Variants in JUP observed in about 807,000 individuals in gnomAD.
JUP encodes the protein junction plakoglobin.
JUP carries 28 observed loss-of-function variants against 71.1 expected under a neutral mutation model. The observed-to-expected ratio is 0.39, with a 90% CI of 0.29 to 0.54. The LOEUF (loss-of-function observed/expected upper bound fraction) is 0.54. Among genes scored for constraint, JUP ranks in the 20% least tolerant of loss-of-function variants. JUP has a pLI of 0.62. For missense variants in JUP, 869 were observed against 1,030.1 expected (o/e 0.84, Z 2.14); for synonymous variants, 401 against 438.9 (o/e 0.91, Z 1.08).
At position 41,755,742 on chromosome 17, in the gene JUP, G is replaced by A. The variant is rs112879398; in HGVS notation, c.*2C>T. 1.1e-3 allele frequency: 1,739 copies of A among 1,578,494 alleles called. 21 individuals are homozygous for A. In the African/African-American group the frequency reaches 0.021, roughly 19 times the overall value. On this transcript the variant is annotated 3_prime_UTR_variant, in exon 14 of 14. Transcript: ENST00000393931. ...GAGGGGGCCGTACTGGGGCCAGGCC[G>A]CCTAGGCCAGCATGTGGTCTGCAGT...
intron 2 of JUP, 117 bp downstream of exon 2, chr17:41,771,530 G>T: frequency 1.1e-6 from 1 of 922,762 alleles, no homozygotes; most frequent in Non-Finnish European, 1.7e-6. Context: ...GTTAGCATGA[G>T]CTGTGCCTCC....
At chr17:41,780,802 C>T (rs975983160) in intron 1 of JUP, among the ~76,000 whole-genome samples, 7 of 151,606 alleles carry the variant, frequency 4.6e-5, no homozygotes, top group Admixed American at 2.6e-4. Context: ...CCCAGCATGT[C>T]GGGAGGCCAA....
intron 1 of JUP, among the ~76,000 whole-genome samples, chr17:41,777,814 AG>A (rs2046957214): frequency 6.6e-6 from 1 of 152,212 alleles, no homozygotes; most frequent in Admixed American, 6.5e-5. Context: ...GGGGATTTGT[AG>A]GAGAGGGAAT....
chr17:41,757,563 G>A, intron 11 of JUP, 27 bp from the exon 12 acceptor site: 1 of 1,614,192 alleles, frequency 6.2e-7, no homozygotes, highest in Non-Finnish European at 8.5e-7. Flanking sequence ...GGAAAAGCCA[G>A]GTTAAACGTC....
rs112153275 is a variant in JUP, at chr17:41,770,489, T to C, written c.209-812A>G. On this transcript the variant is annotated intron_variant, in intron 2 of 13. Transcript: ENST00000393931. ...TGGCTTTCCCACCTGGATGCTGTAC[T>C]TTTTGCTACCAACACAGTGCCTGGC... Among the ~76,000 whole-genome samples, 1,276 of 152,284 alleles carry C rather than the reference T, an allele frequency of 8.4e-3. 13 individuals carry two copies. Among genetic ancestry groups the C allele is most frequent in the African/African-American group, 0.029 (1,197 of 41,532 alleles).
rs568161526 is a variant in JUP at position 41,780,564 on chromosome 17, G to A, written c.-9+6024C>T. On this transcript the variant is annotated intron_variant, in intron 1 of 13. Transcript: ENST00000393931. ...ACAAAAATTAGCTGGGCATGGTGGC[G>A]CATGCCTGTAGTCCCAGCTACTTAG... is the stretch of plus-strand genomic sequence containing the variant. Among the ~76,000 whole-genome samples, 261 of 151,998 alleles carry A rather than the reference G, an allele frequency of 1.7e-3. 1 individual carries two copies. The highest frequency in any genetic ancestry group is 5.5e-3 in the African/African-American group (228 of 41,458).
intron 5 of JUP, among the ~76,000 whole-genome samples, chr17:41,765,975 G>C (rs1052014612): frequency 6.6e-6 from 1 of 152,166 alleles, no homozygotes; most frequent in Non-Finnish European, 1.5e-5. Context: ...CTATCTGTAG[G>C]CTGGGTATGG....
At chr17:41,774,016 A>T (rs1431694387) in intron 1 of JUP, among the ~76,000 whole-genome samples, 2 of 152,166 alleles carry the variant, frequency 1.3e-5, no homozygotes, top group African/African-American at 4.8e-5. Flanking sequence ...GACAGTGCCT[A>T]ACCCTGGGGC....
intron 1 of JUP, among the ~76,000 whole-genome samples, chr17:41,783,236 T>C (rs1339222852): frequency 6.6e-6 from 1 of 151,954 alleles, no homozygotes; most frequent in African/African-American, 2.4e-5. Flanking sequence ...ATTACTTAAG[T>C]TCCTTGAGTT....
At chr17:41,778,854 T>G (rs1393462219) in intron 1 of JUP, among the ~76,000 whole-genome samples, 2 of 150,122 alleles carry the variant, frequency 1.3e-5, no homozygotes, top group Non-Finnish European at 3.0e-5. Context: ...GAGCTTGCAG[T>G]GAGCCGAGAT....
chr17:41,756,245 G>A (rs1913717632), intron 12 of JUP, 31 bp from the exon 13 acceptor site: 1 of 1,610,180 alleles, frequency 6.2e-7, no homozygotes, highest in Admixed American at 1.7e-5. Context: ...ATGGAGGGGA[G>A]GTTTGAAAAT....
At chr17:41,758,337 C>G (rs1255334845) in intron 10 of JUP, 62 bp downstream of exon 10, 2 of 1,608,574 alleles carry the variant, frequency 1.2e-6, no homozygotes, top group South Asian at 2.2e-5. Flanking sequence ...ATCTGGGACT[C>G]CTAACCTTGC....
intron 1 of JUP, among the ~76,000 whole-genome samples, chr17:41,782,030 G>T (rs1307652722): frequency 1.3e-5 from 2 of 152,140 alleles, no homozygotes; most frequent in Non-Finnish European, 2.9e-5. Context: ...CGTTGCCTGG[G>T]GTCCCCGCCT....
At chr17:41,766,710 C>A (rs1009484089) in intron 5 of JUP, among the ~76,000 whole-genome samples, 2 of 152,014 alleles carry the variant, frequency 1.3e-5, no homozygotes, top group African/African-American at 2.4e-5. Context: ...CAAAAATTAG[C>A]TGGGTGTGGT....
chr17:41,783,893 CAAAAAAA>C (rs35672991), intron 1 of JUP, among the ~76,000 whole-genome samples: 44 of 82,012 alleles, frequency 5.4e-4, no homozygotes, highest in Middle Eastern at 6.8e-3. Context: ...GACTCCATCT[CAAAAAAA>C]AAAAAAAAAA....
chr17:41,773,004 G>A, intron 1 of JUP: 2 of 985,488 alleles, frequency 2.0e-6, no homozygotes, highest in Non-Finnish European at 2.4e-6. Context: ...TCATGCTCAT[G>A]GGCGGGTTTC....
chr17:41,778,376 G>A (rs1555609346), intron 1 of JUP, among the ~76,000 whole-genome samples: 2 of 152,006 alleles, frequency 1.3e-5, no homozygotes, highest in Non-Finnish European at 1.5e-5. Context: ...GACCAGTCTG[G>A]GCAACATGGC....
rs1555605811 is a variant in JUP at position 41,769,544 on chromosome 17, C to A, written c.342G>T (p.Gln114His). ...TQVEGQATNL[Q>H]RLAEPSQLLK... ...GCAGCTGGGACGGCTCGGCCAGTCG[C>A]TGCAGGTTGGTGGCCTGCCCCTCCA... Residue 114 changes from glutamine (Q) to histidine (H), a missense_variant, in exon 3 of 14, where the codon CAG (glutamine) becomes CAT (histidine). Gln to His is a conservative substitution (Grantham distance 24, BLOSUM62 0). Coordinates refer to ENST00000393931, the MANE Select transcript of JUP (RefSeq NM_002230.4). 2 of 1,609,654 alleles carry A rather than the reference C, an allele frequency of 1.2e-6. No homozygotes were observed. Among genetic ancestry groups the A allele is most frequent in the Non-Finnish European group, 1.7e-6 (2 of 1,178,720 alleles).
chr17:41,779,904 G>A (rs962633166), intron 1 of JUP, among the ~76,000 whole-genome samples: 1 of 150,926 alleles, frequency 6.6e-6, no homozygotes, highest in Non-Finnish European at 1.5e-5. Flanking sequence ...TCAAAGTCCC[G>A]GCCTCAAGCA....
Sources: allele counts gnomAD v4.1 joint callset (sites outside exome capture counted in the v4.1 genomes callset), GRCh38; gene constraint gnomAD v4.1.1; transcripts MANE v1.5; gene names NCBI Gene and HGNC (gene_info 2026-07-23, HGNC 2026-07-21).